PTPRN2: variants seen among roughly 807,000 people sequenced by gnomAD.
PTPRN2 encodes the protein receptor-type tyrosine-protein phosphatase N2.
In PTPRN2, 74 loss-of-function variants were observed where a neutral mutation model predicts 118.8. The ratio of observed to expected loss-of-function variants is 0.62; its 90% CI spans 0.52 to 0.76. The LOEUF (loss-of-function observed/expected upper bound fraction) is 0.76. Ranked by LOEUF, PTPRN2 falls within the 30% of genes least tolerant of loss-of-function variation. The pLI is 0.00. For synonymous variants in PTPRN2, 641 were observed against 608.0 expected (o/e 1.05, Z -0.80); for missense variants, 1,481 against 1,394.4 (o/e 1.06, Z -0.99).
At chr7:158,169,851 CCTG>C (rs1400949014) in intron 5 of PTPRN2, among the ~76,000 whole-genome samples, 2 of 150,744 alleles carry the variant, frequency 1.3e-5, no homozygotes, top group Non-Finnish European at 3.0e-5. Context: ...TTCACCACGC[CCTG>C]CTAATTTTTG....
intron 2 of PTPRN2, among the ~76,000 whole-genome samples, chr7:158,345,461 CAAGAGA>C (rs1203410039): frequency 6.6e-6 from 1 of 152,086 alleles, no homozygotes; most frequent in Non-Finnish European, 1.5e-5. Context: ...CAGGGTGGAG[CAAGAGA>C]AAGAACAAAG....
intron 12 of PTPRN2, among the ~76,000 whole-genome samples, chr7:157,862,352 A>G (rs1252570832): frequency 6.6e-6 from 1 of 152,236 alleles, no homozygotes; most frequent in Non-Finnish European, 1.5e-5. Flanking sequence ...GTTCCCTGAC[A>G]GACTTGAGCC....
At chr7:158,372,951 A>G (rs7798082) in intron 2 of PTPRN2, among the ~76,000 whole-genome samples, 148,752 of 152,266 alleles carry the variant, frequency 0.98, 72,669 homozygotes, top group East Asian at 1. Flanking sequence ...TCCCTCCTGC[A>G]ATCTGGGGCC....
intron 1 of PTPRN2, among the ~76,000 whole-genome samples, chr7:158,490,856 G>T (rs561224487): frequency 6.6e-6 from 1 of 152,340 alleles, no homozygotes; most frequent in East Asian, 1.9e-4. Context: ...ACTGTGGATT[G>T]AGTGTGTATT....
At position 158,008,634 on chromosome 7, in the gene PTPRN2, C is replaced by T. The variant is rs142196230; in HGVS notation, c.1723+72664G>A. Among the ~76,000 whole-genome samples the T allele has an allele frequency of 3.9e-5, 6 of 152,350 alleles. No homozygotes were observed. The South Asian group carries it at 1.0e-3, about 26-fold the overall frequency. On this transcript the variant is annotated intron_variant, in intron 11 of 22. Coordinates refer to ENST00000389418, the MANE Select transcript of PTPRN2 (RefSeq NM_002847.5). ...TCATTCCAAAAGCAGCAGCCTGCCC[C>T]CCACCAGCAGGCAGCAGTGACGTGT...
At chr7:158,077,892 G>T (rs886205291) in intron 11 of PTPRN2, among the ~76,000 whole-genome samples, 2 of 152,158 alleles carry the variant, frequency 1.3e-5, no homozygotes, top group African/African-American at 4.8e-5. Context: ...TCTTCTGCCA[G>T]TTCAACTATG....
intron 11 of PTPRN2, among the ~76,000 whole-genome samples, chr7:157,906,635 T>TA (rs11302469): frequency 9.3e-5 from 14 of 150,356 alleles, no homozygotes; most frequent in African/African-American, 2.9e-4. Context: ...CTAAAACTCC[T>TA]AAAAAAAAAA....
intron 11 of PTPRN2, among the ~76,000 whole-genome samples, chr7:157,942,666 G>A (rs886748121): frequency 4.6e-5 from 7 of 152,062 alleles, no homozygotes; most frequent in Non-Finnish European, 1.5e-5. Context: ...AAAATGATGT[G>A]TATCCCCTCC....
At chr7:158,488,793 C>G (rs56083936) in intron 2 of PTPRN2, among the ~76,000 whole-genome samples, 72,529 of 152,258 alleles carry the variant, frequency 0.48, 17,537 homozygotes, top group East Asian at 0.68. Context: ...AGGACAGATG[C>G]GCAGGGAGCT....
intron 2 of PTPRN2, among the ~76,000 whole-genome samples, chr7:158,340,391 TA>T (rs749913871): frequency 0.01 from 484 of 46,640 alleles, no homozygotes; most frequent in African/African-American, 0.035. Context: ...ACTCTCACCA[TA>T]AGAGCTGACA....
intron 11 of PTPRN2, among the ~76,000 whole-genome samples, chr7:157,991,698 G>C (rs971850728): frequency 1.3e-5 from 2 of 152,216 alleles, no homozygotes; most frequent in Non-Finnish European, 2.9e-5. Flanking sequence ...AGAGCTGCAC[G>C]GGGCTGTTCT....
intron 11 of PTPRN2, among the ~76,000 whole-genome samples, chr7:158,018,760 A>G (rs1299858733): frequency 6.6e-6 from 1 of 152,036 alleles, no homozygotes; most frequent in African/African-American, 2.4e-5. Flanking sequence ...CAGGAGTTTG[A>G]GACCAGCCTG....
Position 158,437,327 on chromosome 7 carries a change from T to A in PTPRN2, c.163+52408A>T, listed in dbSNP as rs376572916. Among the ~76,000 whole-genome samples the A allele has an allele frequency of 4.6e-5, 7 of 152,248 alleles. No individual in the cohort carries two copies. In the East Asian group the frequency reaches 1.3e-3, roughly 29 times the overall value. On this transcript the variant is annotated intron_variant, in intron 2 of 22. Transcript: ENST00000389418. ...AATTTTTCTGGTGAAATTTTCCACT[T>A]ACCCTTTATTTTCTTGAACATATCA...
At chr7:158,477,805 C>A (rs1005844001) in intron 2 of PTPRN2, among the ~76,000 whole-genome samples, 4 of 152,232 alleles carry the variant, frequency 2.6e-5, no homozygotes, top group Admixed American at 1.3e-4. Context: ...TGTGGATAGG[C>A]CCCCTGCTGC....
At chr7:158,347,430 C>A (rs1385279662) in intron 2 of PTPRN2, among the ~76,000 whole-genome samples, 1 of 152,114 alleles carries the variant, frequency 6.6e-6, no homozygotes, top group Non-Finnish European at 1.5e-5. Context: ...TTTCCTGGCT[C>A]TCTATTCTGT....
chr7:158,459,367 G>A lies in PTPRN2; in HGVS notation c.163+30368C>T, dbSNP rs1247306106. Among the ~76,000 whole-genome samples, 18 of 120,082 alleles carry A rather than the reference G, an allele frequency of 1.5e-4. No individual in the cohort carries two copies. In the South Asian group the frequency reaches 4.1e-3, roughly 27 times the overall value. 78.8% of individuals were successfully genotyped at this position (120,082 alleles called of 152,430 possible). ...ACAGGCTCCAGAATCCAGAGGCCCC[G>A]CTTGGGACGAACGGGCTCCAGAATC... On this transcript the variant is annotated intron_variant, in intron 2 of 22. Transcript: ENST00000389418.
chr7:157,717,220 T>C (rs1798969240), intron 12 of PTPRN2, among the ~76,000 whole-genome samples: 1 of 152,252 alleles, frequency 6.6e-6, no homozygotes, highest in South Asian at 2.1e-4. Flanking sequence ...AAAGCACATT[T>C]GGTGGGTCCA....
rs1157579233 is a variant in PTPRN2, at chr7:157,974,003, G to A, written c.1724-75266C>T. ...CTTCCTTCCAGAGTGAATGCCAAAT[G>A]ATACATTTATATTAGATCTCTCTGA... On this transcript the variant is annotated intron_variant, in intron 11 of 22. Coordinates refer to ENST00000389418, the MANE Select transcript of PTPRN2 (RefSeq NM_002847.5). The surrounding 1 kb of genome is among the most constrained non-coding windows in gnomAD (Gnocchi z 4.0). 6.6e-6 allele frequency among the ~76,000 whole-genome samples: 1 copy of A among 152,178 alleles called. No homozygotes were observed. The highest frequency in any genetic ancestry group is 2.4e-5 in the African/African-American group (1 of 41,440).
At chr7:158,128,323 A>G (rs1477249248) in intron 9 of PTPRN2, among the ~76,000 whole-genome samples, 1 of 152,222 alleles carries the variant, frequency 6.6e-6, no homozygotes, top group Non-Finnish European at 1.5e-5. Context: ...CAAATTGCTG[A>G]CAAAAAGCTG....
Sources: allele counts gnomAD v4.1 joint callset (sites outside exome capture counted in the v4.1 genomes callset), GRCh38; gene constraint gnomAD v4.1.1; non-coding constraint Gnocchi (gnomAD v3.1); transcripts MANE v1.5; gene names NCBI Gene and HGNC (gene_info 2026-07-23, HGNC 2026-07-21).